PRKAA2: variants seen among roughly 807,000 people sequenced by gnomAD.
PRKAA2 encodes the protein 5'-AMP-activated protein kinase catalytic subunit alpha-2.
A neutral mutation model predicts 56.3 loss-of-function variants in PRKAA2; 40 were observed. The ratio of observed to expected loss-of-function variants is 0.71; its 90% CI spans 0.55 to 0.92. The LOEUF is 0.92. Among genes scored for constraint, PRKAA2 ranks in the 40% least tolerant of loss-of-function variants. The pLI is 0.00. For synonymous variants in PRKAA2, 214 were observed against 234.2 expected (o/e 0.91, Z 0.79); for missense variants, 542 against 686.9 (o/e 0.79, Z 2.36).
At chr1:56,646,751 T>C (rs1484142812) in intron 1 of PRKAA2, among the ~76,000 whole-genome samples, 2 of 152,208 alleles carry the variant, frequency 1.3e-5, no homozygotes, top group Non-Finnish European at 2.9e-5. Flanking sequence ...GTCAAGGCTG[T>C]TGAATGAGTA....
intron 1 of PRKAA2, among the ~76,000 whole-genome samples, chr1:56,672,858 C>T (rs548748263): frequency 1.3e-5 from 2 of 152,244 alleles, no homozygotes; most frequent in South Asian, 2.1e-4. Flanking sequence ...AATGTAACTA[C>T]TGTAACTACT....
At chr1:56,665,088 T>G (rs1359888904) in intron 1 of PRKAA2, among the ~76,000 whole-genome samples, 2 of 151,810 alleles carry the variant, frequency 1.3e-5, no homozygotes, top group Non-Finnish European at 2.9e-5. Flanking sequence ...TTTTTTTTTT[T>G]TTTTTGAGAC....
intron 1 of PRKAA2, among the ~76,000 whole-genome samples, chr1:56,659,914 A>C (rs2100388881): frequency 6.6e-6 from 1 of 152,326 alleles, no homozygotes; most frequent in Non-Finnish European, 1.5e-5. Flanking sequence ...TCTCTAAATA[A>C]ATAAATAAAG....
intron 1 of PRKAA2, among the ~76,000 whole-genome samples, chr1:56,647,789 G>T (rs1160558846): frequency 6.6e-6 from 1 of 151,740 alleles, no homozygotes; most frequent in African/African-American, 2.4e-5. Context: ...CAGCACTTTG[G>T]GAGGCTGAGG....
intron 5 of PRKAA2, among the ~76,000 whole-genome samples, chr1:56,694,682 T>A (rs1373508669): frequency 6.6e-6 from 1 of 151,976 alleles, no homozygotes; most frequent in African/African-American, 2.4e-5. Flanking sequence ...GTCGCTCTTA[T>A]AAGGGCACTA....
At chr1:56,650,129 G>T (rs1387457134) in intron 1 of PRKAA2, among the ~76,000 whole-genome samples, 1 of 151,954 alleles carries the variant, frequency 6.6e-6, no homozygotes, top group Non-Finnish European at 1.5e-5. Flanking sequence ...TTTAACTTCA[G>T]TTGTTGATAT....
intron 2 of PRKAA2, among the ~76,000 whole-genome samples, chr1:56,687,924 T>C (rs749634110): frequency 7.9e-5 from 12 of 152,196 alleles, no homozygotes; most frequent in Non-Finnish European, 1.3e-4. Flanking sequence ...TTCTGGATTA[T>C]TAATTTATTT....
chr1:56,674,350 G>A (rs1261539202), intron 1 of PRKAA2, 31 bp from the exon 2 acceptor site: 16 of 1,510,192 alleles, frequency 1.1e-5, no homozygotes, highest in Middle Eastern at 1.8e-4. Context: ...TGATATGATA[G>A]CACATTTTTT....
rs1403829099 is a variant in PRKAA2, at chr1:56,708,621, A to G, written c.*908A>G. ...ATGAGAATCCTTATCTTTGATCTTT[A>G]TTTTCTGTGTTAGGTGTTAGGGTCC... On this transcript the variant is annotated 3_prime_UTR_variant, in exon 9 of 9. Coordinates refer to ENST00000371244, the MANE Select transcript of PRKAA2 (RefSeq NM_006252.4). The G allele has an allele frequency of 6.6e-6, 1 of 152,124 alleles. No homozygotes were observed. Among genetic ancestry groups the G allele is most frequent in the Non-Finnish European group, 1.5e-5 (1 of 68,014 alleles). 9.4% of individuals were successfully genotyped at this position (152,124 alleles called of 1,614,324 possible). A position where few individuals can be genotyped will look rare whatever the true frequency, so the allele number is the denominator to read the frequency against.
At chr1:56,691,000 G>A (rs1052316224) in intron 2 of PRKAA2, among the ~76,000 whole-genome samples, 24 of 152,154 alleles carry the variant, frequency 1.6e-4, no homozygotes, top group Non-Finnish European at 2.9e-4. Context: ...TCCCACCTTG[G>A]CCTTCCAAAG....
At chr1:56,690,449 G>A (rs1398527562) in intron 2 of PRKAA2, among the ~76,000 whole-genome samples, 3 of 151,954 alleles carry the variant, frequency 2.0e-5, no homozygotes, top group Non-Finnish European at 2.9e-5. Context: ...GATTACAGGC[G>A]TGAGCCACCA....
At position 56,706,136 on chromosome 1, in the gene PRKAA2, G is replaced by T. The variant is rs1557565035; in HGVS notation, c.1338G>T (p.Val446=). The T allele has an allele frequency of 1.2e-6, 2 of 1,613,034 alleles. No individual in the cohort carries two copies. The highest frequency in any genetic ancestry group is 1.1e-5 in the South Asian group (1 of 91,016). Residue 446 remains valine, a synonymous_variant, in exon 8 of 9, where the codon GTG becomes GTT. Coordinates refer to ENST00000371244, the MANE Select transcript of PRKAA2 (RefSeq NM_006252.4). ...TTCGTGTAAGAAGAAAAAATCCAGT[G>T]ACTGGCAATTACGTGAAAATGAGCT... The part of the protein sequence containing the change: ...YHLRVRRKNP[V]TGNYVKMSLQ...
Position 56,709,181 on chromosome 1 carries a change from A to G in PRKAA2, c.*1468A>G, listed in dbSNP as rs1213471303. On this transcript the variant is annotated 3_prime_UTR_variant, in exon 9 of 9. Coordinates refer to ENST00000371244, the MANE Select transcript of PRKAA2 (RefSeq NM_006252.4). ...AAAACAAAAAAATGACATTACCTTG[A>G]CAGGCTTCTCTTTGCCAAAAGTAAT... The G allele has an allele frequency of 6.6e-6, 1 of 152,188 alleles. No homozygotes were observed. Among genetic ancestry groups the G allele is most frequent in the East Asian group, 1.9e-4 (1 of 5,200 alleles). The allele number at this position is 152,188 out of a possible 1,614,324, so 9.4% of individuals were successfully genotyped here. A position where few individuals can be genotyped will look rare whatever the true frequency, so the allele number is the denominator to read the frequency against.
At chr1:56,706,347 C>A (rs1384574654) in intron 8 of PRKAA2, 129 bp downstream of exon 8, 2 of 999,248 alleles carry the variant, frequency 2.0e-6, no homozygotes, top group South Asian at 2.2e-5. Context: ...CTAGACTTAA[C>A]CAAAATGTAA....
rs1644368642 is a variant in PRKAA2, at chr1:56,711,500, AG to A, written c.*3788del. 6.6e-6 allele frequency: 1 copy of A among 152,166 alleles called. No homozygotes were observed. The highest frequency in any genetic ancestry group is 1.5e-5 in the Non-Finnish European group (1 of 68,018). The allele number at this position is 152,166 out of a possible 1,614,324, so 9.4% of individuals were successfully genotyped here. On this transcript the variant is annotated 3_prime_UTR_variant, in exon 9 of 9. Coordinates refer to ENST00000371244, the MANE Select transcript of PRKAA2 (RefSeq NM_006252.4). ...TTTACATCCTATTAATGGTTGTAAAAGCTGAGTGTCTAAATGCTAGACATGT... is the reference window on the plus strand; with the variant it reads ...TTTACATCCTATTAATGGTTGTAAAACTGAGTGTCTAAATGCTAGACATGT...
intron 1 of PRKAA2, among the ~76,000 whole-genome samples, chr1:56,657,833 G>A (rs1643958260): frequency 6.6e-6 from 1 of 152,086 alleles, no homozygotes; most frequent in African/African-American, 2.4e-5. Flanking sequence ...ATAACAAAGG[G>A]AACACCAAAG....
At chr1:56,650,688 G>A (rs1013011158) in intron 1 of PRKAA2, among the ~76,000 whole-genome samples, 4 of 152,190 alleles carry the variant, frequency 2.6e-5, no homozygotes, top group African/African-American at 4.8e-5. Context: ...TTACCCATAT[G>A]TGGTTTATGA....
Position 56,704,440 on chromosome 1 carries a change from T to C in PRKAA2, c.1258T>C (p.Tyr420His), listed in dbSNP as rs747519938. The C allele has an allele frequency of 1.9e-6, 3 of 1,609,072 alleles. No homozygotes were observed. The highest frequency in any genetic ancestry group is 2.2e-5 in the East Asian group (1 of 44,854). The change falls in exon 7 of 9, where the codon TAC becomes CAC. Residue 420 changes from tyrosine (Y) to histidine (H), a missense_variant. By Grantham distance (83) the Tyr-to-His change is moderately conservative. This residue lies in a region of PRKAA2 where 158 missense variants were observed against 166.1 expected (regional missense o/e 0.95). Coordinates refer to ENST00000371244, the MANE Select transcript of PRKAA2 (RefSeq NM_006252.4). ...SKPYDIMAEVYRAMKQLDFEW... is the reference protein window; with the variant it reads ...SKPYDIMAEVHRAMKQLDFEW... ...ACCGTATGACATTATGGCTGAAGTT[T>C]ACCGAGCTATGAAGCAGCTGGATTT...
At chr1:56,688,090 T>C (rs1644204653) in intron 2 of PRKAA2, among the ~76,000 whole-genome samples, 1 of 152,214 alleles carries the variant, frequency 6.6e-6, no homozygotes, top group Admixed American at 6.5e-5. Flanking sequence ...CACAAGAGAT[T>C]TGACTTACTC....
Sources: gnomAD v4.1 joint callset for allele counts (sites outside exome capture counted in the v4.1 genomes callset) on GRCh38, gnomAD v4.1.1 for gene constraint, gnomAD v4.1.1 regional missense constraint, MANE v1.5 for transcripts, NCBI Gene and HGNC (gene_info 2026-07-23, HGNC 2026-07-21) for gene names.